NYAP2: variants seen among roughly 807,000 people sequenced by gnomAD.
NYAP2 encodes the protein neuronal tyrosine-phosphorylated phosphoinositide-3-kinase adaptor 2.
In NYAP2, 23 loss-of-function variants were observed where a neutral mutation model predicts 50.4. The observed-to-expected ratio is 0.46, with a 90% CI of 0.33 to 0.65. The LOEUF is 0.65. NYAP2 is among the 30% of genes least tolerant of loss of function. The pLI is 0.02. For synonymous variants in NYAP2, 394 were observed against 365.2 expected (o/e 1.08, Z -0.90); for missense variants, 885 against 861.0 (o/e 1.03, Z -0.35).
intron 2 of NYAP2, among the ~76,000 whole-genome samples, chr2:225,406,941 A>T (rs886413005): frequency 6.6e-6 from 1 of 152,002 alleles, no homozygotes; most frequent in African/African-American, 2.4e-5. Context: ...AAAAATTAAA[A>T]CCTTTGGGTA....
At chr2:225,593,565 T>C (rs956083052) in intron 5 of NYAP2, among the ~76,000 whole-genome samples, 11 of 152,186 alleles carry the variant, frequency 7.2e-5, no homozygotes, top group African/African-American at 2.7e-4. Context: ...CTTTGACTAC[T>C]TTTTTTCAAA....
rs75183246 is a variant in NYAP2, at chr2:225,528,869, T to C, written c.523+15197T>C. On this transcript the variant is annotated intron_variant, in intron 4 of 6. Coordinates refer to ENST00000636099, the Ensembl canonical transcript of NYAP2. ...TATGAGACTCGATGTTCCCAAGTTA[T>C]ACAATTCCTTAATTGCAACAATTGC... 4.6e-3 allele frequency among the ~76,000 whole-genome samples: 696 copies of C among 152,330 alleles called. 6 individuals are homozygous for C. The highest frequency in any genetic ancestry group is 0.016 in the African/African-American group (670 of 41,580).
intron 3 of NYAP2, among the ~76,000 whole-genome samples, chr2:225,501,658 C>T (rs1690611174): frequency 6.6e-6 from 1 of 152,198 alleles, no homozygotes; most frequent in South Asian, 2.1e-4. Context: ...ATTAGCTAAT[C>T]ATACCTAAGC....
chr2:225,611,540 C>G (rs895310002), intron 5 of NYAP2, among the ~76,000 whole-genome samples: 1 of 151,836 alleles, frequency 6.6e-6, no homozygotes, highest in African/African-American at 2.4e-5. Flanking sequence ...TCTAATCCAC[C>G]CTCACCCTCC....
At chr2:225,398,851 G>A (rs1435426151), upstream of NYAP2, among the ~76,000 whole-genome samples, 2 of 152,138 alleles carry the variant, frequency 1.3e-5, no homozygotes, top group Non-Finnish European at 2.9e-5. Context: ...TTCAGGACAT[G>A]TAAAATAGAA....
At chr2:225,541,130 T>C (rs941496872) in intron 4 of NYAP2, among the ~76,000 whole-genome samples, 5 of 152,280 alleles carry the variant, frequency 3.3e-5, no homozygotes, top group Non-Finnish European at 7.4e-5. Flanking sequence ...CATTTTTAAG[T>C]CAGGTTATTA....
intron 3 of NYAP2, among the ~76,000 whole-genome samples, chr2:225,479,955 A>G (rs1271611482): frequency 6.6e-6 from 1 of 152,090 alleles, no homozygotes; most frequent in Admixed American, 6.6e-5. Context: ...AGGTGAATAT[A>G]TATTAAGAAA....
intron 6 of NYAP2, among the ~76,000 whole-genome samples, chr2:225,650,714 C>T (rs1644095501): frequency 6.6e-6 from 1 of 152,126 alleles, no homozygotes; most frequent in Non-Finnish European, 1.5e-5. Flanking sequence ...TTTCCTTTGT[C>T]AAATATCTTC....
At chr2:225,457,044 C>T (rs549134796) in intron 3 of NYAP2, among the ~76,000 whole-genome samples, 61 of 152,236 alleles carry the variant, frequency 4.0e-4, no homozygotes, top group African/African-American at 1.0e-3. Context: ...CTTAAAATGG[C>T]GGTATTTGTC....
intron 3 of NYAP2, among the ~76,000 whole-genome samples, chr2:225,411,056 C>T (rs1695030626): frequency 6.6e-6 from 1 of 152,142 alleles, no homozygotes. Context: ...GATCTGGAGA[C>T]ATTCACTTCT....
chr2:225,487,875 T>G (rs1353496127), intron 3 of NYAP2, among the ~76,000 whole-genome samples: 2 of 152,186 alleles, frequency 1.3e-5, no homozygotes, highest in Non-Finnish European at 2.9e-5. Flanking sequence ...ATTTCTAAGT[T>G]TTATTGGTTT....
chr2:225,607,714 T>C (rs1052344327), intron 5 of NYAP2, among the ~76,000 whole-genome samples: 5 of 151,734 alleles, frequency 3.3e-5, no homozygotes, highest in African/African-American at 9.7e-5. Context: ...AAAAGAACCA[T>C]GAAGAACTGA....
At chr2:225,651,624 C>A (rs750242959) in exon 7 of NYAP2, 2 of 1,591,588 alleles carry the variant, frequency 1.3e-6, no homozygotes, top group Non-Finnish European at 1.7e-6. Context: ...TTGCTGTAGA[C>A]AACTTTCGCA....
chr2:225,532,127 C>T (rs960999029), intron 4 of NYAP2, among the ~76,000 whole-genome samples: 10 of 152,090 alleles, frequency 6.6e-5, no homozygotes, highest in African/African-American at 1.9e-4. Context: ...TGTATATTTC[C>T]GGTTTCACTT....
intron 4 of NYAP2, among the ~76,000 whole-genome samples, chr2:225,574,511 G>A (rs1364986189): frequency 6.6e-6 from 1 of 152,142 alleles, no homozygotes; most frequent in African/African-American, 2.4e-5. Flanking sequence ...TGTAACAAAT[G>A]ACCTGTACCT....
chr2:225,503,021 C>A (rs1212697846), intron 3 of NYAP2, among the ~76,000 whole-genome samples: 1 of 152,018 alleles, frequency 6.6e-6, no homozygotes, highest in Non-Finnish European at 1.5e-5. Context: ...ATACTTTAAA[C>A]TGGCATTAAG....
At chr2:225,467,163 G>T (rs929687131) in intron 3 of NYAP2, among the ~76,000 whole-genome samples, 1 of 152,080 alleles carries the variant, frequency 6.6e-6, no homozygotes, top group Non-Finnish European at 1.5e-5. Flanking sequence ...GGAGTTGTAC[G>T]CATACTCACT....
chr2:225,689,969 T>A, the NYAP2 span, among the ~76,000 whole-genome samples: 3 of 152,112 alleles, frequency 2.0e-5, no homozygotes, highest in Admixed American at 1.3e-4. Context: ...TTCCGGCCAA[T>A]GGAATTGAAA....
At chr2:225,639,173 A>G (rs939425296) in intron 6 of NYAP2, among the ~76,000 whole-genome samples, 2 of 152,298 alleles carry the variant, frequency 1.3e-5, no homozygotes, top group Non-Finnish European at 2.9e-5. Flanking sequence ...GAAAAAAATA[A>G]TACAGTTTTC....
Sources: allele counts gnomAD v4.1 joint callset (sites outside exome capture counted in the v4.1 genomes callset), GRCh38; gene constraint gnomAD v4.1.1; transcripts MANE v1.5; gene names NCBI Gene and HGNC (gene_info 2026-07-23, HGNC 2026-07-21).